Variants in RGS6 observed in about 807,000 individuals in gnomAD.
The protein encoded by RGS6 is regulator of G protein signaling 6.
Under a neutral mutation model 78.5 loss-of-function variants are expected in RGS6, and 30 were observed. The ratio of observed to expected loss-of-function variants is 0.38; its 90% CI spans 0.29 to 0.52. RGS6 has a LOEUF of 0.52. Among genes scored for constraint, RGS6 ranks in the 20% least tolerant of loss-of-function variants. The probability of loss-of-function intolerance (pLI) is 0.85; values close to 1 mark genes in which losing one functional copy is unlikely to be tolerated. For synonymous variants in RGS6, 206 were observed against 206.0 expected, an observed-to-expected ratio of 1.00 and a Z score of 0.00; for missense variants, 495 against 609.7, an observed-to-expected ratio of 0.81 and a Z score of 1.98.
At chr14:72,115,816 C>T (rs1451858790) in intron 2 of RGS6, among the ~76,000 whole-genome samples, 1 of 152,196 alleles carries the variant, frequency 6.6e-6, no homozygotes, top group Non-Finnish European at 1.5e-5. Flanking sequence ...GCTAGGTTGA[C>T]TTGCTATAAG....
intron 2 of RGS6, among the ~76,000 whole-genome samples, chr14:72,181,743 C>A (rs2153699824): frequency 6.6e-6 from 1 of 152,284 alleles, no homozygotes; most frequent in East Asian, 1.9e-4. Context: ...TAAGCTGTTT[C>A]TTTGCCTTCC....
At chr14:72,122,864 C>G (rs2096087880) in intron 2 of RGS6, among the ~76,000 whole-genome samples, 1 of 151,572 alleles carries the variant, frequency 6.6e-6, no homozygotes, top group African/African-American at 2.4e-5. Flanking sequence ...CTAGTTATAT[C>G]ACTAATTAAC....
At chr14:72,410,458 C>T (rs1380465055) in intron 3 of RGS6, among the ~76,000 whole-genome samples, 2 of 152,110 alleles carry the variant, frequency 1.3e-5, no homozygotes, top group African/African-American at 4.8e-5. Flanking sequence ...ATTGTAGATT[C>T]TGGATATTAG....
At chr14:71,964,947 A>G in intron 2 of RGS6, 72 bp downstream of exon 2, 1 of 1,136,896 alleles carries the variant, frequency 8.8e-7, no homozygotes, top group Non-Finnish European at 1.2e-6. Flanking sequence ...GCTGATAAAA[A>G]GACAAATGTT....
intron 2 of RGS6, among the ~76,000 whole-genome samples, chr14:72,119,054 G>A (rs978477792): frequency 6.6e-6 from 1 of 152,136 alleles, no homozygotes; most frequent in Non-Finnish European, 1.5e-5. Context: ...TCCAGGATAC[G>A]TAAAAGTTGG....
chr14:72,037,282 C>T (rs544970734), intron 2 of RGS6, among the ~76,000 whole-genome samples: 45 of 152,312 alleles, frequency 3.0e-4, no homozygotes, highest in African/African-American at 1.0e-3. Context: ...TCCATCCACA[C>T]TGTGGAAGCT....
intron 15 of RGS6, among the ~76,000 whole-genome samples, chr14:72,529,255 G>T (rs1041096223): frequency 1.3e-5 from 2 of 152,208 alleles, no homozygotes; most frequent in African/African-American, 4.8e-5. Flanking sequence ...TGAGAGATCC[G>T]CAGAGGTTCT....
intron 10 of RGS6, 72 bp downstream of exon 10, chr14:72,474,771 T>A: frequency 8.2e-7 from 1 of 1,222,120 alleles, no homozygotes; most frequent in Non-Finnish European, 1.2e-6. Flanking sequence ...ATTCAAATAG[T>A]AATTTGCTAC....
chr14:71,873,084 T>C, the RGS6 span, among the ~76,000 whole-genome samples: 2 of 152,208 alleles, frequency 1.3e-5, no homozygotes, highest in South Asian at 2.1e-4. Context: ...CTATTGTGAA[T>C]AGTGCCGCAA....
At chr14:72,102,743 G>A (rs1186498416) in intron 2 of RGS6, among the ~76,000 whole-genome samples, 1 of 152,050 alleles carries the variant, frequency 6.6e-6, no homozygotes, top group African/African-American at 2.4e-5. Context: ...TTTTGATAAA[G>A]CAAAATACAA....
chr14:72,476,744 C>T lies in RGS6; in HGVS notation c.696C>T (p.Ser232=), dbSNP rs557763437. The T allele has an allele frequency of 9.3e-6, 15 of 1,613,754 alleles. No homozygotes were observed. Among genetic ancestry groups the T allele is most frequent in the Middle Eastern group, 3.3e-4 (2 of 6,060 alleles). Residue 232 remains serine, a splice_region_variant and synonymous_variant, in exon 11 of 18, where the codon TCC becomes TCT. Transcript: ENST00000553525. Reference sequence around the variant, plus strand: ...TCTGTGCTTGCTTCTTCTCCTAGTCCGTGTATGGCGTGACTGAAGAGTCCC... The same window carrying T: ...TCTGTGCTTGCTTCTTCTCCTAGTCTGTGTATGGCGTGACTGAAGAGTCCC... ...RLKNPQKVKK[S]VYGVTEESQA...
intron 17 of RGS6, among the ~76,000 whole-genome samples, chr14:72,551,804 G>A (rs868574507): frequency 6.6e-6 from 1 of 152,244 alleles, no homozygotes; most frequent in South Asian, 2.1e-4. Context: ...GTTGGACTGT[G>A]TCATGCTGGC....
chr14:72,454,403 C>T, intron 3 of RGS6, 125 bp from the exon 4 acceptor site: 1 of 935,936 alleles, frequency 1.1e-6, no homozygotes. Context: ...AAAAAAAGTG[C>T]CCATATTATC....
At chr14:72,491,927 A>G (rs1296217092) in intron 12 of RGS6, among the ~76,000 whole-genome samples, 1 of 152,152 alleles carries the variant, frequency 6.6e-6, no homozygotes, top group African/African-American at 2.4e-5. Flanking sequence ...CTAGGAAACA[A>G]TCCTTCCCAC....
At chr14:72,106,504 A>G (rs549134486) in intron 2 of RGS6, among the ~76,000 whole-genome samples, 2 of 152,248 alleles carry the variant, frequency 1.3e-5, no homozygotes, top group East Asian at 1.9e-4. Context: ...AGCTAAAGAA[A>G]TAGACCTGCC....
Position 72,472,084 on chromosome 14 carries a change from C to T in RGS6, c.537-788C>T, listed in dbSNP as rs114621405. Among the ~76,000 whole-genome samples the T allele has an allele frequency of 2.8e-3, 429 of 151,014 alleles. 2 individuals are homozygous for T. The highest frequency in any genetic ancestry group is 0.01 in the African/African-American group (417 of 41,038). ...TCAGTCCAGTAAAGTAAAGCGTTCC[C>T]GAGAGAGCCGAGACCTAGGAGTTAC... is the stretch of plus-strand genomic sequence containing the variant. On this transcript the variant is annotated intron_variant, in intron 8 of 17. Coordinates refer to ENST00000553525, the MANE Select transcript of RGS6 (RefSeq NM_001204424.2).
At chr14:72,239,019 G>A (rs1253194240) in intron 2 of RGS6, among the ~76,000 whole-genome samples, 3 of 143,664 alleles carry the variant, frequency 2.1e-5, no homozygotes, top group South Asian at 2.4e-4. Flanking sequence ...GGGGCATAAA[G>A]CAGAAAAAGA....
At chr14:72,087,391 A>G (rs2095088457) in intron 2 of RGS6, among the ~76,000 whole-genome samples, 1 of 152,142 alleles carries the variant, frequency 6.6e-6, no homozygotes, top group Non-Finnish European at 1.5e-5. Flanking sequence ...TTGGCCTCCC[A>G]AAGTGCTGGA....
the RGS6 span, among the ~76,000 whole-genome samples, chr14:72,575,796 A>G: frequency 6.6e-6 from 1 of 152,212 alleles, no homozygotes; most frequent in African/African-American, 2.4e-5. Flanking sequence ...AATATGTGCA[A>G]TTATTATGTG....
Sources: allele counts gnomAD v4.1 joint callset (sites outside exome capture counted in the v4.1 genomes callset), GRCh38; gene constraint gnomAD v4.1.1; transcripts MANE v1.5; gene names NCBI Gene and HGNC (gene_info 2026-07-23, HGNC 2026-07-21).